Variants in SCN11A observed in about 807,000 individuals in gnomAD.
SCN11A encodes the protein sodium voltage-gated channel alpha subunit 11, also known as sodium channel protein type 11 subunit alpha.
Under a neutral mutation model 162.2 loss-of-function variants are expected in SCN11A, and 122 were observed. That is an observed-to-expected ratio of 0.75 (90% confidence interval 0.65 to 0.87). SCN11A has a LOEUF of 0.87. Ranked by LOEUF, SCN11A falls within the 40% of genes least tolerant of loss-of-function variation. The probability of loss-of-function intolerance (pLI) is 0.00; values close to 1 mark genes in which losing one functional copy is unlikely to be tolerated. For missense variants in SCN11A, 2,015 were observed against 2,181.6 expected, an observed-to-expected ratio of 0.92 and a Z score of 1.52; for synonymous variants, 758 against 751.5, an observed-to-expected ratio of 1.01 and a Z score of -0.14.
rs773990236 is a variant in SCN11A, at chr3:38,905,340, G to T, written c.1474-19C>A. 6.2e-7 allele frequency: 1 copy of T among 1,607,756 alleles called. No homozygotes were observed. Among genetic ancestry groups the T allele is most frequent in the African/African-American group, 1.3e-5 (1 of 74,800 alleles). ...GCTGTGGCTGTAAGAGAAGGCATAG[G>T]GCACCTTCTAAAGACAGGGGCTGCC... On this transcript the variant is annotated intron_variant, in intron 14 of 29. Coordinates refer to ENST00000302328, the MANE Select transcript of SCN11A (RefSeq NM_001349253.2).
chr3:39,045,167 C>T (rs546382772), intron 1 of SCN11A, among the ~76,000 whole-genome samples: 1 of 152,148 alleles, frequency 6.6e-6, no homozygotes, highest in East Asian at 1.9e-4. Context: ...AGTCTCCCAA[C>T]AAAGAAAAGC....
At chr3:39,039,787 G>A (rs990652461) in intron 1 of SCN11A, among the ~76,000 whole-genome samples, 1 of 152,028 alleles carries the variant, frequency 6.6e-6, no homozygotes, top group African/African-American at 2.4e-5. Context: ...CCCACCTAGA[G>A]GCTGTCACCA....
intron 2 of SCN11A, among the ~76,000 whole-genome samples, chr3:38,992,319 G>A (rs2030477055): frequency 6.6e-6 from 1 of 152,168 alleles, no homozygotes; most frequent in African/African-American, 2.4e-5. Flanking sequence ...ATTGGCTATG[G>A]CCACATCATC....
Position 38,896,925 on chromosome 3 carries a change from C to G in SCN11A, c.2323G>C (p.Glu775Gln). The G allele has an allele frequency of 6.2e-7, 1 of 1,613,466 alleles. No homozygotes were observed. The change falls in exon 18 of 30, where the codon GAA becomes CAA. Residue 775 changes from glutamate to glutamine, a missense_variant. Physicochemically the swap from Glu to Gln is conservative, Grantham distance 29. Transcript: ENST00000302328. The part of the protein sequence containing the change: ...LCGEWIENMW[E>Q]CMQEANASSS... ...GATGCATTCGCTTCTTGCATACATTCCCACATATTTTCGATCCATTCCCCG... is the reference window on the plus strand; with the variant it reads ...GATGCATTCGCTTCTTGCATACATTGCCACATATTTTCGATCCATTCCCCG...
intron 7 of SCN11A, among the ~76,000 whole-genome samples, chr3:38,932,554 G>A (rs558285121): frequency 1.4e-4 from 21 of 152,256 alleles, no homozygotes; most frequent in South Asian, 4.2e-4. Context: ...AAAAAATGGC[G>A]CACCAGGAGA....
intron 11 of SCN11A, among the ~76,000 whole-genome samples, chr3:38,912,714 T>A (rs2065902505): frequency 6.6e-6 from 1 of 152,208 alleles, no homozygotes; most frequent in Admixed American, 6.5e-5. Flanking sequence ...CACTTACAAG[T>A]GAGAACATGC....
At chr3:39,004,136 G>C (rs1195062940) in intron 2 of SCN11A, among the ~76,000 whole-genome samples, 1 of 152,146 alleles carries the variant, frequency 6.6e-6, no homozygotes, top group Non-Finnish European at 1.5e-5. Flanking sequence ...TTGTCTGCCA[G>C]GGTTTTTATA....
intron 8 of SCN11A, 126 bp from the exon 9 acceptor site, chr3:38,925,635 C>A: frequency 1.5e-6 from 1 of 651,268 alleles, no homozygotes; most frequent in South Asian, 2.0e-5. Flanking sequence ...TCGACAGCCT[C>A]ACCTTTCCAG....
intron 1 of SCN11A, among the ~76,000 whole-genome samples, chr3:39,033,029 C>T (rs760853631): frequency 6.6e-6 from 1 of 151,888 alleles, no homozygotes; most frequent in Non-Finnish European, 1.5e-5. Context: ...GGCGGGCGCC[C>T]GTAATCCCAG....
intron 13 of SCN11A, 116 bp downstream of exon 13, chr3:38,908,881 A>G (rs1208831657): frequency 2.5e-6 from 2 of 806,274 alleles, no homozygotes; most frequent in Non-Finnish European, 2.1e-6. Flanking sequence ...AAGCACCAGT[A>G]GAGAAAGCAC....
chr3:38,966,563 C>T (rs565584616), intron 2 of SCN11A, among the ~76,000 whole-genome samples: 17 of 152,274 alleles, frequency 1.1e-4, no homozygotes, highest in African/African-American at 4.1e-4. Context: ...GTATCTGGGC[C>T]GGTATCCATC....
chr3:38,871,105 T>A (rs1337875882), intron 25 of SCN11A, among the ~76,000 whole-genome samples: 1 of 152,206 alleles, frequency 6.6e-6, no homozygotes, highest in Non-Finnish European at 1.5e-5. Flanking sequence ...ACCTGGCAAC[T>A]GTGCTTTAAA....
chr3:38,895,083 C>A (rs1367609650), intron 18 of SCN11A, 119 bp from the exon 19 acceptor site: 1 of 800,422 alleles, frequency 1.2e-6, no homozygotes, highest in Non-Finnish European at 1.9e-6. Flanking sequence ...GTTTTATGTC[C>A]CACTGTCTCC....
In SCN11A at chr3:38,899,936, TAC is replaced by T; in HGVS notation, c.1978_1979del (p.Val660ThrfsTer32). ...AGAATGGCCAGCTTCTCTTTTGAAG[TAC>T]ACAGTTCATTACATCTGCAAAACTC... ...LLSFADVMNC[V>X]LQKRSWPFLR... On this transcript the variant is annotated frameshift_variant, in exon 17 of 30. Transcript: ENST00000302328. LOFTEE classifies it high-confidence loss of function. 2 of 1,614,108 alleles carry T rather than the reference TAC, an allele frequency of 1.2e-6. No homozygotes were observed. The highest frequency in any genetic ancestry group is 1.7e-6 in the Non-Finnish European group (2 of 1,179,974).
At chr3:38,927,089 T>C (rs566279188) in intron 7 of SCN11A, among the ~76,000 whole-genome samples, 158 bp from the exon 8 acceptor site, 22 of 152,212 alleles carry the variant, frequency 1.4e-4, no homozygotes, top group Non-Finnish European at 2.6e-4. Context: ...GCAAGCTTTT[T>C]AAGCAAGTCC....
intron 2 of SCN11A, among the ~76,000 whole-genome samples, chr3:38,967,719 C>T (rs556673693): frequency 1.3e-5 from 2 of 152,322 alleles, no homozygotes; most frequent in South Asian, 2.1e-4. Context: ...AGGGAATACA[C>T]AAGCACCTGC....
chr3:38,948,756 C>A (rs146460774), intron 5 of SCN11A, among the ~76,000 whole-genome samples: 1 of 152,082 alleles, frequency 6.6e-6, no homozygotes, highest in African/African-American at 2.4e-5. Context: ...AATTACCACC[C>A]AGGCTGGAAT....
intron 2 of SCN11A, among the ~76,000 whole-genome samples, chr3:38,988,164 CAT>C: frequency 6.6e-6 from 1 of 152,152 alleles, no homozygotes; most frequent in Non-Finnish European, 1.5e-5. Context: ...GTTACACACA[CAT>C]AAAGCTGGCC....
intron 8 of SCN11A, among the ~76,000 whole-genome samples, chr3:38,926,502 T>A (rs960391632): frequency 3.3e-5 from 5 of 151,194 alleles, no homozygotes; most frequent in African/African-American, 1.2e-4. Flanking sequence ...TTTTTTTTTT[T>A]AATTTCATTG....
Sources: gnomAD v4.1 joint callset for allele counts (sites outside exome capture counted in the v4.1 genomes callset) on GRCh38, gnomAD v4.1.1 for gene constraint, MANE v1.5 for transcripts, NCBI Gene and HGNC (gene_info 2026-07-23, HGNC 2026-07-21) for gene names.